Variants in DCDC1 observed in about 807,000 individuals in gnomAD.
DCDC1 encodes doublecortin domain-containing protein 1.
In DCDC1, 200 loss-of-function variants were observed where a neutral mutation model predicts 178.3. The ratio of observed to expected loss-of-function variants is 1.12; its 90% CI spans 1.00 to 1.26. DCDC1 has a LOEUF of 1.26. DCDC1 is among the 50% of genes most tolerant of loss of function. DCDC1 has a pLI of 0.00. For missense variants in DCDC1, 1,983 were observed against 1,749.2 expected, an observed-to-expected ratio of 1.13 and a Z score of -2.38; for synonymous variants, 690 against 604.8, an observed-to-expected ratio of 1.14 and a Z score of -2.07.
At chr11:31,176,300 A>G (rs916489281) in intron 9 of DCDC1, among the ~76,000 whole-genome samples, 1 of 152,204 alleles carries the variant, frequency 6.6e-6, no homozygotes, top group African/African-American at 2.4e-5. Flanking sequence ...GAGCAAGCAG[A>G]ATAAGTAATT....
intron 20 of DCDC1, among the ~76,000 whole-genome samples, chr11:30,972,033 T>C (rs987461598): frequency 3.2e-4 from 49 of 151,940 alleles, no homozygotes; most frequent in African/African-American, 1.2e-3. Flanking sequence ...AGGAGGCAAA[T>C]AGAAAACAAA....
At chr11:31,361,425 T>C (rs1451807527) in intron 1 of DCDC1, among the ~76,000 whole-genome samples, 1 of 152,178 alleles carries the variant, frequency 6.6e-6, no homozygotes, top group Non-Finnish European at 1.5e-5. Flanking sequence ...ATACCTATCT[T>C]TAGAGAGACA....
At chr11:30,866,254 G>A (rs1012849019) in intron 38 of DCDC1, among the ~76,000 whole-genome samples, 1 of 152,116 alleles carries the variant, frequency 6.6e-6, no homozygotes, top group South Asian at 2.1e-4. Context: ...ACATAGACTG[G>A]GTAGCTTAGA....
At chr11:31,096,482 A>G (rs1958159838) in intron 15 of DCDC1, among the ~76,000 whole-genome samples, 1 of 152,232 alleles carries the variant, frequency 6.6e-6, no homozygotes, top group Admixed American at 6.5e-5. Flanking sequence ...ACCTGCTGCC[A>G]GCGCCTATAT....
At chr11:31,250,428 ATG>A (rs200367287) in intron 8 of DCDC1, among the ~76,000 whole-genome samples, 10,778 of 117,024 alleles carry the variant, frequency 0.092, 1,630 homozygotes, top group East Asian at 0.44. Flanking sequence ...ATACATATAT[ATG>A]TATATATATA....
intron 1 of DCDC1, among the ~76,000 whole-genome samples, chr11:31,340,226 T>TA (rs11346572): frequency 6.6e-6 from 1 of 151,322 alleles, no homozygotes; most frequent in Non-Finnish European, 1.5e-5. Context: ...TCCCAGGATA[T>TA]AAAAAAAAAT....
intron 38 of DCDC1, among the ~76,000 whole-genome samples, chr11:30,876,019 G>T (rs745418300): frequency 4.6e-5 from 7 of 152,134 alleles, no homozygotes; most frequent in Non-Finnish European, 7.3e-5. Context: ...ACGAAAGCTA[G>T]AGCGATGGGC....
At chr11:30,875,062 G>C (rs629696) in intron 38 of DCDC1, among the ~76,000 whole-genome samples, 1,760 of 152,192 alleles carry the variant, frequency 0.012, 30 homozygotes, top group African/African-American at 0.04. Flanking sequence ...TTGGTACAGG[G>C]TGACAGCCTT....
intron 38 of DCDC1, among the ~76,000 whole-genome samples, chr11:30,867,599 C>G (rs900619391): frequency 6.6e-6 from 1 of 152,172 alleles, no homozygotes; most frequent in Non-Finnish European, 1.5e-5. Flanking sequence ...GCCTTTGTCT[C>G]CAAGTCCAGG....
intron 9 of DCDC1, among the ~76,000 whole-genome samples, chr11:31,169,352 A>G (rs1355747534): frequency 6.6e-6 from 1 of 152,230 alleles, no homozygotes; most frequent in Non-Finnish European, 1.5e-5. Flanking sequence ...ACTGAACATA[A>G]AGTAAAATTT....
intron 9 of DCDC1, among the ~76,000 whole-genome samples, chr11:31,167,457 C>G (rs1483663585): frequency 1.3e-5 from 2 of 151,424 alleles, no homozygotes; most frequent in African/African-American, 2.5e-5. Flanking sequence ...AGTCAGCAAG[C>G]CTTTGGGAAA....
At chr11:31,084,481 C>T (rs1223129564) in intron 17 of DCDC1, among the ~76,000 whole-genome samples, 1 of 151,942 alleles carries the variant, frequency 6.6e-6, no homozygotes, top group East Asian at 1.9e-4. Flanking sequence ...AATTTTGGTC[C>T]TTCCTGCTTT....
chr11:31,306,562 C>A (rs1397524617), intron 4 of DCDC1, among the ~76,000 whole-genome samples, 174 bp from the exon 5 acceptor site: 1 of 151,902 alleles, frequency 6.6e-6, no homozygotes. Context: ...GAGTAACACT[C>A]TCACTATTTA....
chr11:31,288,184 T>C (rs962058998), intron 7 of DCDC1, among the ~76,000 whole-genome samples: 2 of 151,908 alleles, frequency 1.3e-5, no homozygotes, highest in African/African-American at 2.4e-5. Flanking sequence ...AATCTCAAAG[T>C]TGTGTATCCA....
At chr11:31,149,506 A>C (rs906225251) in intron 9 of DCDC1, among the ~76,000 whole-genome samples, 2 of 151,790 alleles carry the variant, frequency 1.3e-5, no homozygotes, top group African/African-American at 4.8e-5. Context: ...CAGCAGCAGC[A>C]ACCCGCCCAG....
intron 8 of DCDC1, among the ~76,000 whole-genome samples, chr11:31,265,245 TATTA>T (rs1945071844): frequency 6.6e-6 from 1 of 152,126 alleles, no homozygotes; most frequent in South Asian, 2.1e-4. Flanking sequence ...TATAAAAATG[TATTA>T]ATTACTTTTA....
intron 29 of DCDC1, among the ~76,000 whole-genome samples, chr11:30,908,421 C>G (rs1211857422): frequency 3.3e-5 from 5 of 151,862 alleles, no homozygotes; most frequent in Admixed American, 3.3e-4. Context: ...TTGACACAAA[C>G]CAACAAACCA....
At chr11:30,883,504 A>C (rs1942885592) in intron 36 of DCDC1, 1 of 460,756 alleles carries the variant, frequency 2.2e-6, no homozygotes, top group South Asian at 1.6e-5. Context: ...ATGTCTTCAG[A>C]TAAAGTAAGC....
chr11:31,102,285 A>G lies in DCDC1; in HGVS notation c.1878-3T>C, dbSNP rs1034567515. 2 of 681,168 alleles carry G rather than the reference A, an allele frequency of 2.9e-6. No individual in the cohort carries two copies. The highest frequency in any genetic ancestry group is 5.4e-6 in the Non-Finnish European group (2 of 367,138). 42.2% of individuals were successfully genotyped at this position (681,168 alleles called of 1,614,324 possible). A position where few individuals can be genotyped will look rare whatever the true frequency, so the allele number is the denominator to read the frequency against. On this transcript the variant is annotated splice_polypyrimidine_tract_variant and splice_region_variant and intron_variant, in intron 14 of 38. Transcript: ENST00000684477. ...GAAATCCCTCACAAACTTCCCAACTAAGAAAAGTAAAATACGTAATTATTT... is the reference window on the plus strand; with the variant it reads ...GAAATCCCTCACAAACTTCCCAACTGAGAAAAGTAAAATACGTAATTATTT...
Sources: gnomAD v4.1 joint callset for allele counts (sites outside exome capture counted in the v4.1 genomes callset) on GRCh38, gnomAD v4.1.1 for gene constraint, MANE v1.5 for transcripts, NCBI Gene and HGNC (gene_info 2026-07-23, HGNC 2026-07-21) for gene names.